DGLUCY: variants seen among roughly 807,000 people sequenced by gnomAD.
DGLUCY encodes D-glutamate cyclase, mitochondrial.
Under a neutral mutation model 58.5 loss-of-function variants are expected in DGLUCY, and 58 were observed. The ratio of observed to expected loss-of-function variants is 0.99; its 90% CI spans 0.80 to 1.23. DGLUCY has a LOEUF of 1.23. Among genes scored for constraint, DGLUCY ranks in the 50% most tolerant of loss-of-function variants. DGLUCY has a pLI of 0.00. For synonymous variants in DGLUCY, 325 were observed against 314.1 expected (o/e 1.03, Z -0.37); for missense variants, 779 against 784.7 (o/e 0.99, Z 0.09).
At chr14:91,188,838 A>C (rs542663636) in intron 8 of DGLUCY, 72 bp from the exon 9 acceptor site, 80 of 1,459,588 alleles carry the variant, frequency 5.5e-5, no homozygotes, top group African/African-American at 3.3e-4. Context: ...TAAGTAAATA[A>C]ATACATACAT....
At chr14:91,205,965 G>A (rs1359466048) in intron 12 of DGLUCY, among the ~76,000 whole-genome samples, 6 of 143,842 alleles carry the variant, frequency 4.2e-5, no homozygotes, top group Admixed American at 1.5e-4. Flanking sequence ...TCAGCCTCCC[G>A]AGTAGCTGGG....
chr14:91,167,196 A>G (rs748127763), intron 3 of DGLUCY, 29 bp from the exon 4 acceptor site: 11 of 1,558,974 alleles, frequency 7.1e-6, no homozygotes, highest in Non-Finnish European at 5.2e-6. Flanking sequence ...CGCTGACTAT[A>G]CATTTTTCCC....
intron 12 of DGLUCY, among the ~76,000 whole-genome samples, chr14:91,208,353 G>A (rs985233728): frequency 6.6e-6 from 1 of 152,152 alleles, no homozygotes; most frequent in African/African-American, 2.4e-5. Context: ...TTACATATCA[G>A]TTTGCTCAAA....
chr14:91,202,066 A>ATAATAATAATAATAATAG (rs1555405486), intron 11 of DGLUCY, among the ~76,000 whole-genome samples: 9 of 126,558 alleles, frequency 7.1e-5, no homozygotes, highest in African/African-American at 2.5e-4. Flanking sequence ...AAAAATAATA[A>ATAATAATAATAATAATAG]TAATAATAAT....
chr14:91,127,860 CTTT>C (rs1417325797), intron 1 of DGLUCY, among the ~76,000 whole-genome samples: 1 of 151,780 alleles, frequency 6.6e-6, no homozygotes, highest in Non-Finnish European at 1.5e-5. Context: ...TAAAGTGCAT[CTTT>C]TTCTCACCGA....
chr14:91,175,746 G>A (rs150109265), intron 6 of DGLUCY, 188 bp from the exon 7 acceptor site: 3 of 543,838 alleles, frequency 5.5e-6, no homozygotes, highest in African/African-American at 1.9e-5. Flanking sequence ...CACATGGACT[G>A]TAAATTATGG....
upstream of DGLUCY, among the ~76,000 whole-genome samples, chr14:91,111,291 T>TA (rs1491538135): frequency 6.8e-3 from 353 of 52,216 alleles, 8 homozygotes; most frequent in Admixed American, 0.038. Context: ...TATATATATA[T>TA]TTTTTTTTGA....
At chr14:91,140,049 C>A (rs1440604102) in intron 1 of DGLUCY, among the ~76,000 whole-genome samples, 1 of 152,184 alleles carries the variant, frequency 6.6e-6, no homozygotes, top group African/African-American at 2.4e-5. Context: ...GATCTTTAAC[C>A]TTTTATGTGT....
chr14:91,214,376 C>T (rs1042954759), intron 12 of DGLUCY, among the ~76,000 whole-genome samples: 4 of 152,126 alleles, frequency 2.6e-5, no homozygotes, highest in African/African-American at 9.7e-5. Flanking sequence ...AGGAGATGGT[C>T]CCAAAACTGG....
At chr14:91,135,519 G>T (rs191689280) in intron 1 of DGLUCY, among the ~76,000 whole-genome samples, 1 of 151,806 alleles carries the variant, frequency 6.6e-6, no homozygotes, top group Admixed American at 6.6e-5. Context: ...GCATGGTGGC[G>T]CATGCCTATA....
intron 1 of DGLUCY, among the ~76,000 whole-genome samples, chr14:91,147,186 G>A (rs961053874): frequency 6.6e-6 from 1 of 152,200 alleles, no homozygotes; most frequent in Non-Finnish European, 1.5e-5. Flanking sequence ...AGCACTGCCA[G>A]CATTCCTGTC....
intron 1 of DGLUCY, among the ~76,000 whole-genome samples, chr14:91,156,843 G>A (rs1191562948): frequency 6.6e-6 from 1 of 152,200 alleles, no homozygotes; most frequent in Non-Finnish European, 1.5e-5. Flanking sequence ...GTTCCCCAGT[G>A]CCCTGATAGA....
chr14:91,073,757 A>T (rs2043961878), intron 1 of DGLUCY, among the ~76,000 whole-genome samples: 1 of 152,024 alleles, frequency 6.6e-6, no homozygotes, highest in African/African-American at 2.4e-5. Flanking sequence ...GGAAACAAGG[A>T]CCTCAGCCCT....
upstream of DGLUCY, among the ~76,000 whole-genome samples, chr14:91,103,950 C>G (rs946958230): frequency 6.6e-6 from 1 of 152,058 alleles, no homozygotes; most frequent in African/African-American, 2.4e-5. Flanking sequence ...CCTCCCATTC[C>G]CTCCTCTGCC....
intron 1 of DGLUCY, among the ~76,000 whole-genome samples, chr14:91,064,525 A>G (rs1233011306): frequency 6.7e-6 from 1 of 149,020 alleles, no homozygotes; most frequent in Non-Finnish European, 1.5e-5. Flanking sequence ...CGGGAGGCTG[A>G]GGCAGGAAAA....
chr14:91,097,603 G>A (rs2044416269), intron 1 of DGLUCY, among the ~76,000 whole-genome samples: 1 of 151,856 alleles, frequency 6.6e-6, no homozygotes, highest in Non-Finnish European at 1.5e-5. Flanking sequence ...AGGCAGGCTT[G>A]TAGACAGCTT....
At chr14:91,084,130 G>A (rs1204080944) in intron 1 of DGLUCY, among the ~76,000 whole-genome samples, 2 of 151,990 alleles carry the variant, frequency 1.3e-5, no homozygotes, top group African/African-American at 4.8e-5. Flanking sequence ...CCTGGGCCAA[G>A]GCCTGAGCTC....
chr14:91,223,439 T>A (rs1887795964), intron 13 of DGLUCY, among the ~76,000 whole-genome samples: 1 of 152,084 alleles, frequency 6.6e-6, no homozygotes, highest in South Asian at 2.1e-4. Context: ...CTGCCTTTGT[T>A]GTGGAGGAGG....
intron 1 of DGLUCY, among the ~76,000 whole-genome samples, chr14:91,096,582 ACT>A (rs1374411502): frequency 6.6e-6 from 1 of 152,068 alleles, no homozygotes; most frequent in African/African-American, 2.4e-5. Flanking sequence ...TTGCCTGGGG[ACT>A]GACCACAGCA....
Sources: gnomAD v4.1 joint callset for allele counts (sites outside exome capture counted in the v4.1 genomes callset) on GRCh38, gnomAD v4.1.1 for gene constraint, MANE v1.5 for transcripts, NCBI Gene and HGNC (gene_info 2026-07-23, HGNC 2026-07-21) for gene names.